ZSCAN29: variants seen among roughly 807,000 people sequenced by gnomAD.
The protein encoded by ZSCAN29 is zinc finger and SCAN domain-containing protein 29.
ZSCAN29 carries 55 observed loss-of-function variants against 71.9 expected under a neutral mutation model. The ratio of observed to expected loss-of-function variants is 0.76; its 90% CI spans 0.62 to 0.96. ZSCAN29 has a LOEUF of 0.96. Ranked by LOEUF, ZSCAN29 falls within the 40% of genes least tolerant of loss-of-function variation. The pLI is 0.00. For synonymous variants in ZSCAN29, 351 were observed against 371.6 expected, an observed-to-expected ratio of 0.94 and a Z score of 0.64; for missense variants, 1,042 against 1,042.2, an observed-to-expected ratio of 1.00 and a Z score of 0.00.
At chr15:43,362,408 A>G (rs2043991619) in intron 5 of ZSCAN29, among the ~76,000 whole-genome samples, 1 of 152,222 alleles carries the variant, frequency 6.6e-6, no homozygotes, top group South Asian at 2.1e-4. Flanking sequence ...GAGGAGCTTC[A>G]TGAGTCCCCT....
At position 43,361,948 on chromosome 15, in the gene ZSCAN29, T is replaced by G; in HGVS notation, c.1691-7A>C. The G allele has an allele frequency of 6.3e-7, 1 of 1,596,136 alleles. No homozygotes were observed. The highest frequency in any genetic ancestry group is 1.1e-5 in the South Asian group (1 of 88,910). ...TCAAATCCAGCTTCAAAACCTGATG[T>G]AAAACAGAATTTTAGAAGTTATCTA... is the stretch of plus-strand genomic sequence containing the variant. On this transcript the variant is annotated splice_polypyrimidine_tract_variant and splice_region_variant and intron_variant, in intron 5 of 5. Coordinates refer to ENST00000684362, the MANE Select transcript of ZSCAN29 (RefSeq NM_001372080.1).
At position 43,371,024 on chromosome 15, in the gene ZSCAN29, A is replaced by G. The variant is rs2044107534; in HGVS notation, c.-579T>C. ...GCCCCGGCTCTCCAGCCTCCCAAGT[A>G]CAGCTCCCAAACCGGAAGTCCGAGC... On this transcript the variant is annotated 5_prime_UTR_variant, in exon 1 of 6. Coordinates refer to ENST00000684362, the MANE Select transcript of ZSCAN29 (RefSeq NM_001372080.1). 2.3e-5 allele frequency: 9 copies of G among 384,318 alleles called. No homozygotes were observed. Among genetic ancestry groups the G allele is most frequent in the Admixed American group, 3.9e-5 (1 of 25,634 alleles). 23.8% of individuals were successfully genotyped at this position (384,318 alleles called of 1,614,324 possible).
rs146581346 is a variant in ZSCAN29, at chr15:43,361,299, C to T, written c.2333G>A (p.Ser778Asn). The change falls in exon 6 of 6, where the codon AGT (serine) becomes AAT (asparagine). Residue 778 changes from serine to asparagine, a missense_variant. Transcript: ENST00000684362. ...GKSFNNSSHF[S>N]AHRRIHTGER... ...TCCTGTGTGTATCCTCCGATGTGCA[C>T]TAAAATGAGAACTGTTATTGAAGCT... The T allele has an allele frequency of 6.2e-7, 1 of 1,614,092 alleles. No homozygotes were observed. Among genetic ancestry groups the T allele is most frequent in the Non-Finnish European group, 8.5e-7 (1 of 1,180,012 alleles).
chr15:43,368,614 G>T (rs1262205096), intron 3 of ZSCAN29, among the ~76,000 whole-genome samples: 1 of 150,294 alleles, frequency 6.7e-6, no homozygotes, highest in African/African-American at 2.4e-5. Flanking sequence ...ATTTGAAGAT[G>T]GAAAACAACC....
In ZSCAN29 at chr15:43,369,671, T is replaced by C. The variant is rs750762575; in HGVS notation, c.243A>G (p.Gln81=). Residue 81 remains glutamine, a synonymous_variant, in exon 2 of 6, where the codon CAA becomes CAG. Coordinates refer to ENST00000684362, the MANE Select transcript of ZSCAN29 (RefSeq NM_001372080.1). Reference sequence around the variant, plus strand: ...CTGCCTCCTCTCCATTTTCTGGACATTGTTCCTGTACCCAATTCTGGATCT... The same window carrying C: ...CTGCCTCCTCTCCATTTTCTGGACACTGTTCCTGTACCCAATTCTGGATCT... ...PGEIQNWVQE[Q]CPENGEEAVT... The C allele has an allele frequency of 6.2e-6, 10 of 1,614,228 alleles. No individual in the cohort carries two copies. The highest frequency in any genetic ancestry group is 3.3e-5 in the Admixed American group (2 of 60,036).
Position 43,366,244 on chromosome 15 carries a change from C to G in ZSCAN29, c.1088G>C (p.Gly363Ala), listed in dbSNP as rs750691361. 1.9e-6 allele frequency: 3 copies of G among 1,613,742 alleles called. No homozygotes were observed. In the South Asian group the frequency reaches 3.3e-5, roughly 18 times the overall value. Residue 363 changes from glycine to alanine, a missense_variant, in exon 4 of 6, where the codon GGG becomes GCG. Transcript: ENST00000684362. The part of the protein sequence containing the change: ...VGSDAETEEP[G>A]QRGWQHEEGA... ...CTCCTCATGCTGCCAGCCCCTCTGCCCTGGCTCTTCAGTCTCAGCATCGCT... is the reference window on the plus strand; with the variant it reads ...CTCCTCATGCTGCCAGCCCCTCTGCGCTGGCTCTTCAGTCTCAGCATCGCT...
Position 43,361,278 on chromosome 15 carries a change from G to A in ZSCAN29, c.2354C>T (p.Thr785Ile). The change falls in exon 6 of 6, where the codon ACA becomes ATA. Residue 785 changes from threonine (T) to isoleucine (I), a missense_variant. Transcript: ENST00000684362. ...SHFSAHRRIH[T>I]GERPHVCPDC... ...AGGACACACATGGGGTCTCTCTCCT[G>A]TGTGTATCCTCCGATGTGCACTAAA... 1 of 1,614,126 alleles carries A rather than the reference G, an allele frequency of 6.2e-7. No homozygotes were observed. The highest frequency in any genetic ancestry group is 8.5e-7 in the Non-Finnish European group (1 of 1,180,018).
Position 43,361,111 on chromosome 15 carries a change from C to A in ZSCAN29, c.2521G>T (p.Ala841Ser). 6.2e-7 allele frequency: 1 copy of A among 1,608,472 alleles called. No individual in the cohort carries two copies. Among genetic ancestry groups the A allele is most frequent in the Non-Finnish European group, 8.5e-7 (1 of 1,175,534 alleles). The change falls in exon 6 of 6, where the codon GCA becomes TCA. Residue 841 changes from alanine (A) to serine (S), a missense_variant. Physicochemically the swap from Ala to Ser is moderately conservative, Grantham distance 99. Transcript: ENST00000684362. ...GACTGTGTCAGAAGCTTTTCCCGTGCATGGATTTCTCCGTGCTTATTAAGG... is the reference window on the plus strand; with the variant it reads ...GACTGTGTCAGAAGCTTTTCCCGTGAATGGATTTCTCCGTGCTTATTAAGG... ...SALNKHGEIHAREKLLTQSAP... is the reference protein window; with the variant it reads ...SALNKHGEIHSREKLLTQSAP...
intron 4 of ZSCAN29, 42 bp from the exon 5 acceptor site, chr15:43,364,424 C>T (rs1380250729): frequency 6.4e-7 from 1 of 1,560,170 alleles, no homozygotes; most frequent in Non-Finnish European, 8.8e-7. Context: ...TAATCCAGAG[C>T]TTTAGAGCCT....
chr15:43,361,905 T>C lies in ZSCAN29; in HGVS notation c.1727A>G (p.Lys576Arg), dbSNP rs1037149140. Residue 576 changes from lysine (K) to arginine (R), a missense_variant, in exon 6 of 6, where the codon AAA becomes AGA. Lys to Arg is a conservative substitution (Grantham distance 26). Transcript: ENST00000684362. ...EAGFENEDNS[K>R]RDISEEVQLH... is the part of the protein sequence containing the mutation. The stretch of plus-strand genomic sequence containing the variant: ...TTGTACTTCCTCAGAAATATCCCGT[T>C]TTGAATTATCTTCATTCTCAAATCC... 6.2e-7 allele frequency: 1 copy of C among 1,613,042 alleles called. No homozygotes were observed. The highest frequency in any genetic ancestry group is 1.7e-5 in the Admixed American group (1 of 59,736).
chr15:43,362,060 T>C, intron 5 of ZSCAN29, 119 bp from the exon 6 acceptor site: 3 of 989,926 alleles, frequency 3.0e-6, no homozygotes, highest in Non-Finnish European at 4.4e-6. Context: ...GAGCCCTAGA[T>C]CCCAAATAAC....
chr15:43,365,034 AAGAG>A (rs1482203220), intron 4 of ZSCAN29, among the ~76,000 whole-genome samples: 1 of 152,164 alleles, frequency 6.6e-6, no homozygotes, highest in Non-Finnish European at 1.5e-5. Flanking sequence ...AAGAAAAATA[AAGAG>A]AAACGAAAAA....
At position 43,367,835 on chromosome 15, in the gene ZSCAN29, G is replaced by A. The variant is rs535452504; in HGVS notation, c.524-1027C>T. 3.4e-4 allele frequency among the ~76,000 whole-genome samples: 51 copies of A among 152,224 alleles called. No homozygotes were observed. In the South Asian group the frequency reaches 5.2e-3, roughly 16 times the overall value. On this transcript the variant is annotated intron_variant, in intron 3 of 5. Coordinates refer to ENST00000684362, the MANE Select transcript of ZSCAN29 (RefSeq NM_001372080.1). ...GACTAAACAGACCATTACCAAACTG[G>A]CTGAGAAGGCTATTGTCTTGGATGA...
At position 43,366,571 on chromosome 15, in the gene ZSCAN29, C is replaced by G; in HGVS notation, c.761G>C (p.Arg254Thr). ...CTGGCTGAGAATTGCGAGGAGCGTT[C>G]TGGTCTCTTCATAGCCCCAGTGCAC... ...AGVHWGYEET[R>T]TLLAILSQTE... The change falls in exon 4 of 6, where the codon AGA becomes ACA. Residue 254 changes from arginine (R) to threonine (T), a missense_variant. Physicochemically the swap from Arg to Thr is moderately conservative, Grantham distance 71. Coordinates refer to ENST00000684362, the MANE Select transcript of ZSCAN29 (RefSeq NM_001372080.1). 6.2e-7 allele frequency: 1 copy of G among 1,614,234 alleles called. No homozygotes were observed. Among genetic ancestry groups the G allele is most frequent in the Non-Finnish European group, 8.5e-7 (1 of 1,180,042 alleles).
In ZSCAN29 at chr15:43,360,070, C is replaced by T. The variant is rs553941094; in HGVS notation, c.*1003G>A. 46 of 152,324 alleles carry T rather than the reference C, an allele frequency of 3.0e-4. No homozygotes were observed. In the East Asian group the frequency reaches 5.2e-3, roughly 17 times the overall value. The allele number at this position is 152,324 out of a possible 1,614,324, so 9.4% of individuals were successfully genotyped here. A position where few individuals can be genotyped will look rare whatever the true frequency, so the allele number is the denominator to read the frequency against. On this transcript the variant is annotated 3_prime_UTR_variant, in exon 6 of 6. Transcript: ENST00000684362. ...ATTATTGTATAAAGAAGAGCTGGGC[C>T]GGGTGCAGTGGCTCACACCTGTAAT...
At position 43,361,184 on chromosome 15, in the gene ZSCAN29, T is replaced by C. The variant is rs773609802; in HGVS notation, c.2448A>G (p.Lys816=). 1.2e-6 allele frequency: 2 copies of C among 1,614,004 alleles called. No homozygotes were observed. The highest frequency in any genetic ancestry group is 1.7e-6 in the Non-Finnish European group (2 of 1,180,026). The change falls in exon 6 of 6, where the codon AAA becomes AAG. Residue 816 remains lysine, a synonymous_variant. Coordinates refer to ENST00000684362, the MANE Select transcript of ZSCAN29 (RefSeq NM_001372080.1). ...TACCACAGTCATGACACCCATAGGG[T>C]TTCTCTCCTGTGTGGGTTCTATGAT... is the stretch of plus-strand genomic sequence containing the variant. ...RAHHRTHTGE[K]PYGCHDCGKC...
chr15:43,365,693 C>T (rs1411616425), intron 4 of ZSCAN29, among the ~76,000 whole-genome samples: 1 of 152,204 alleles, frequency 6.6e-6, no homozygotes, highest in East Asian at 1.9e-4. Context: ...AATAAACTGA[C>T]TTTGAGCTTT....
rs1317130905 is a variant in ZSCAN29 at position 43,361,390 on chromosome 15, T to G, written c.2242A>C (p.Ser748Arg). 2 of 1,614,080 alleles carry G rather than the reference T, an allele frequency of 1.2e-6. No individual in the cohort carries two copies. Among genetic ancestry groups the G allele is most frequent in the East Asian group, 2.2e-5 (1 of 44,876 alleles). ...ECGKCFNQSS[S>R]LIIHQRTHTG... ...TGGGTTCTCTGGTGAATGATAAGGC[T>G]TGAGCTCTGATTGAAGCATTTCCCA... The change falls in exon 6 of 6, where the codon AGC becomes CGC. Residue 748 changes from serine (S) to arginine (R), a missense_variant. Physicochemically the swap from Ser to Arg is moderately radical, Grantham distance 110. Coordinates refer to ENST00000684362, the MANE Select transcript of ZSCAN29 (RefSeq NM_001372080.1).
At chr15:43,369,184 A>AG in intron 2 of ZSCAN29, 57 bp from the exon 3 acceptor site, 1 of 1,490,342 alleles carries the variant, frequency 6.7e-7, no homozygotes, top group Non-Finnish European at 9.0e-7. Context: ...GCATTCCCAG[A>AG]GGAGAGTATT....
Sources: gnomAD v4.1 joint callset for allele counts (sites outside exome capture counted in the v4.1 genomes callset) on GRCh38, gnomAD v4.1.1 for gene constraint, MANE v1.5 for transcripts, NCBI Gene and HGNC (gene_info 2026-07-23, HGNC 2026-07-21) for gene names.